SLC25A17: variants seen among roughly 807,000 people sequenced by gnomAD.
SLC25A17 encodes the protein peroxisomal membrane protein PMP34.
Under a neutral mutation model 38.5 loss-of-function variants are expected in SLC25A17, and 26 were observed. The ratio of observed to expected loss-of-function variants is 0.68; its 90% CI spans 0.50 to 0.94. SLC25A17 has a LOEUF of 0.94. SLC25A17 is among the 40% of genes least tolerant of loss of function. SLC25A17 has a pLI of 0.00. For missense variants in SLC25A17, 333 were observed against 372.7 expected (o/e 0.89, Z 0.88); for synonymous variants, 139 against 136.2 (o/e 1.02, Z -0.14).
At position 40,799,186 on chromosome 22, in the gene SLC25A17, C is replaced by T. The variant is rs1376970578; in HGVS notation, c.55-103G>A. On this transcript the variant is annotated intron_variant, in intron 1 of 8. Coordinates refer to ENST00000435456, the MANE Select transcript of SLC25A17 (RefSeq NM_006358.4). Reference sequence around the variant, plus strand: ...TTGCTCTGTCATCTAGGCTGGAGTGCAGTGGTTTACGGCAGCCTTGAACTC... The same window carrying T: ...TTGCTCTGTCATCTAGGCTGGAGTGTAGTGGTTTACGGCAGCCTTGAACTC... The T allele has an allele frequency of 5.1e-6, 3 of 583,982 alleles. No homozygotes were observed. The East Asian group carries it at 8.9e-5, about 17-fold the overall frequency. 36.2% of individuals were successfully genotyped at this position (583,982 alleles called of 1,614,324 possible). A position where few individuals can be genotyped will look rare whatever the true frequency, so the allele number is the denominator to read the frequency against.
rs2057672060 is a variant in SLC25A17 at position 40,819,222 on chromosome 22, G to A, written c.27C>T (p.Ser9=). Residue 9 remains serine, a synonymous_variant, in exon 1 of 9, where the codon AGC becomes AGT. Coordinates refer to ENST00000435456, the MANE Select transcript of SLC25A17 (RefSeq NM_006358.4). The stretch of plus-strand genomic sequence containing the variant: ...CGGCTCCGGCCACGGCGTGGACCAG[G>A]CTTTCGTAGGACAGCACGGAAGCCA... The part of the protein sequence containing the change: MASVLSYE[S]LVHAVAGAVG... The A allele has an allele frequency of 1.2e-6, 2 of 1,613,792 alleles. No homozygotes were observed. Among genetic ancestry groups the A allele is most frequent in the Admixed American group, 1.7e-5 (1 of 60,018 alleles).
chr22:40,784,597 AC>A, intron 4 of SLC25A17: 2 of 247,616 alleles, frequency 8.1e-6, no homozygotes, highest in South Asian at 3.8e-5. Flanking sequence ...ACACAGAAAG[AC>A]CCCCATCTGT....
intron 7 of SLC25A17, among the ~76,000 whole-genome samples, chr22:40,774,769 T>C (rs1053279075): frequency 4.6e-5 from 7 of 152,234 alleles, no homozygotes; most frequent in African/African-American, 1.7e-4. Flanking sequence ...GCTACTGAAT[T>C]CCCTTATGTT....
At chr22:40,782,338 CTG>C (rs1418209034) in intron 4 of SLC25A17, among the ~76,000 whole-genome samples, 1 of 152,184 alleles carries the variant, frequency 6.6e-6, no homozygotes, top group Admixed American at 6.5e-5. Flanking sequence ...GGGCAGAAGA[CTG>C]TTTTTTTTCT....
chr22:40,815,437 C>A (rs1331174492), intron 1 of SLC25A17, among the ~76,000 whole-genome samples: 1 of 152,126 alleles, frequency 6.6e-6, no homozygotes, highest in Non-Finnish European at 1.5e-5. Flanking sequence ...TTGGAAAAAA[C>A]TGAAAAAACT....
intron 1 of SLC25A17, chr22:40,799,573 G>A (rs1306944499): frequency 6.6e-6 from 1 of 152,144 alleles, no homozygotes; most frequent in Non-Finnish European, 1.5e-5. Context: ...TGTTAGCCAG[G>A]ATGGTCTCGA....
intron 2 of SLC25A17, among the ~76,000 whole-genome samples, chr22:40,795,932 C>A (rs1355329697): frequency 6.6e-6 from 1 of 152,086 alleles, no homozygotes; most frequent in Non-Finnish European, 1.5e-5. Flanking sequence ...GGATTACAGG[C>A]TCCTGCCACC....
chr22:40,806,687 C>A (rs2145698933), intron 1 of SLC25A17, among the ~76,000 whole-genome samples: 1 of 152,262 alleles, frequency 6.6e-6, no homozygotes, highest in East Asian at 1.9e-4. Flanking sequence ...AAAATATTTT[C>A]ATCATCCCAA....
intron 7 of SLC25A17, among the ~76,000 whole-genome samples, 184 bp downstream of exon 7, chr22:40,776,856 G>T (rs1000016799): frequency 6.6e-6 from 1 of 151,884 alleles, no homozygotes; most frequent in East Asian, 1.9e-4. Context: ...GGTGCACCAC[G>T]GTACTCCAAC....
intron 1 of SLC25A17, among the ~76,000 whole-genome samples, chr22:40,807,703 C>T (rs2057542470): frequency 6.6e-6 from 1 of 152,064 alleles, no homozygotes; most frequent in Non-Finnish European, 1.5e-5. Context: ...GAGCCGAGAT[C>T]GCGCCACTGC....
At chr22:40,797,179 C>G (rs1466462642) in intron 2 of SLC25A17, 5 of 514,028 alleles carry the variant, frequency 9.7e-6, no homozygotes, top group Non-Finnish European at 1.5e-5. Context: ...ATATATTTTG[C>G]CTGTTGAATC....
chr22:40,792,044 T>C (rs1309369950), intron 4 of SLC25A17, among the ~76,000 whole-genome samples: 1 of 152,180 alleles, frequency 6.6e-6, no homozygotes, highest in Non-Finnish European at 1.5e-5. Context: ...TGGAATATTA[T>C]TCAGTCATAA....
intron 1 of SLC25A17, among the ~76,000 whole-genome samples, chr22:40,807,813 T>C (rs182421195): frequency 7.9e-5 from 12 of 152,282 alleles, no homozygotes; most frequent in African/African-American, 2.9e-4. Context: ...CAGCATTCTA[T>C]ACCTCAGGGA....
At chr22:40,797,059 A>G (rs998044317) in intron 2 of SLC25A17, among the ~76,000 whole-genome samples, 1 of 152,234 alleles carries the variant, frequency 6.6e-6, no homozygotes, top group Admixed American at 6.5e-5. Flanking sequence ...TCCATAAAGA[A>G]AGTCTGCAAG....
At chr22:40,809,607 G>C (rs912174784) in intron 1 of SLC25A17, among the ~76,000 whole-genome samples, 4 of 152,012 alleles carry the variant, frequency 2.6e-5, no homozygotes, top group Non-Finnish European at 2.9e-5. Flanking sequence ...ACTCCAGCCT[G>C]GGTACACAGT....
chr22:40,794,773 C>A (rs532519870), intron 2 of SLC25A17, among the ~76,000 whole-genome samples, 193 bp from the exon 3 acceptor site: 5 of 152,100 alleles, frequency 3.3e-5, no homozygotes, highest in Non-Finnish European at 7.4e-5. Flanking sequence ...GTGCACACCA[C>A]CATGCCCAGC....
At position 40,777,247 on chromosome 22, in the gene SLC25A17, A is replaced by C; in HGVS notation, c.578T>G (p.Leu193Arg). 1 of 1,614,112 alleles carries C rather than the reference A, an allele frequency of 6.2e-7. No homozygotes were observed. The highest frequency in any genetic ancestry group is 8.5e-7 in the Non-Finnish European group (1 of 1,179,950). ...GATTACCTTCATCCGTTTCTTTAAA[A>C]GCTGCCGTTTTAAACCTTCATAAAA... The part of the protein sequence containing the change: ...FMFYEGLKRQ[L>R]LKKRMKLSSL... Residue 193 changes from leucine (L) to arginine (R), a missense_variant, in exon 6 of 9, where the codon CTT becomes CGT. Transcript: ENST00000435456.
Position 40,777,115 on chromosome 22 carries a change from G to A in SLC25A17, c.618C>T (p.Phe206=), listed in dbSNP as rs752144654. 3.1e-6 allele frequency: 5 copies of A among 1,614,100 alleles called. No homozygotes were observed. The highest frequency in any genetic ancestry group is 1.7e-5 in the Admixed American group (1 of 60,016). Reference sequence around the variant, plus strand: ...TCGCTTTGGCTACTGCACCAATGATGAACACATCCAAGGAAGAAAGCTGGA... The same window carrying A: ...TCGCTTTGGCTACTGCACCAATGATAAACACATCCAAGGAAGAAAGCTGGA... The part of the protein sequence containing the change: ...KRMKLSSLDV[F]IIGAVAKAIA... The change falls in exon 7 of 9, where the codon TTC becomes TTT. Residue 206 remains phenylalanine, a synonymous_variant. Coordinates refer to ENST00000435456, the MANE Select transcript of SLC25A17 (RefSeq NM_006358.4).
intron 1 of SLC25A17, among the ~76,000 whole-genome samples, chr22:40,800,100 T>C (rs2057467788): frequency 6.6e-6 from 1 of 152,242 alleles, no homozygotes; most frequent in African/African-American, 2.4e-5. Context: ...AGTAGTTTGC[T>C]TGTGTTTTAA....
Sources: gnomAD v4.1 joint callset for allele counts (sites outside exome capture counted in the v4.1 genomes callset) on GRCh38, gnomAD v4.1.1 for gene constraint, MANE v1.5 for transcripts, NCBI Gene and HGNC (gene_info 2026-07-23, HGNC 2026-07-21) for gene names.